NCOA2: variants seen among roughly 807,000 people sequenced by gnomAD.
NCOA2 encodes the protein class E basic helix-loop-helix protein 75.
In NCOA2, 21 loss-of-function variants were observed where a neutral mutation model predicts 145.1. The observed-to-expected ratio is 0.14, with a 90% CI of 0.10 to 0.21. The LOEUF is 0.21. NCOA2 is among the 10% of genes least tolerant of loss of function. The pLI is 1.00. For synonymous variants in NCOA2, 619 were observed against 637.5 expected, an observed-to-expected ratio of 0.97 and a Z score of 0.44; for missense variants, 1,472 against 1,837.6, an observed-to-expected ratio of 0.80 and a Z score of 3.64.
intron 2 of NCOA2, chr8:70,245,117 C>T (rs1185545212): frequency 6.6e-6 from 1 of 152,030 alleles, no homozygotes; most frequent in Non-Finnish European, 1.5e-5. Flanking sequence ...AAACAAAAAC[C>T]CCCACAATTA....
chr8:70,241,498 C>T (rs986769198), intron 2 of NCOA2, among the ~76,000 whole-genome samples: 2 of 152,120 alleles, frequency 1.3e-5, no homozygotes. Context: ...TGAAATGAAA[C>T]AGAAGTTCAC....
intron 2 of NCOA2, among the ~76,000 whole-genome samples, chr8:70,224,971 A>G (rs978480154): frequency 6.6e-6 from 1 of 150,942 alleles, no homozygotes; most frequent in African/African-American, 2.4e-5. Flanking sequence ...TCTCCTGTCC[A>G]GAGTCTCAGT....
chr8:70,218,443 G>C (rs1819856456), intron 2 of NCOA2, among the ~76,000 whole-genome samples: 1 of 152,096 alleles, frequency 6.6e-6, no homozygotes, highest in African/African-American at 2.4e-5. Context: ...TACTATGAGA[G>C]AGGCAGACTA....
At chr8:70,138,693 T>C (rs773838549) in intron 14 of NCOA2, among the ~76,000 whole-genome samples, 1 of 152,250 alleles carries the variant, frequency 6.6e-6, no homozygotes, top group Non-Finnish European at 1.5e-5. Flanking sequence ...AAATGAATTA[T>C]ATGTTAAAAG....
rs570836671 is a variant in NCOA2, at chr8:70,145,707, C to T, written c.2606-859G>A. On this transcript the variant is annotated intron_variant, in intron 12 of 22. Coordinates refer to ENST00000452400, the MANE Select transcript of NCOA2 (RefSeq NM_006540.4). ...AATTGTAGTTAACTGCAGCTTTTAA[C>T]TCCTGGGCTTAAGAAAAGGTTAAGA... Among the ~76,000 whole-genome samples the T allele has an allele frequency of 2.0e-5, 3 of 151,244 alleles. No individual in the cohort carries two copies. The East Asian group carries it at 5.9e-4, about 30-fold the overall frequency.
intron 2 of NCOA2, among the ~76,000 whole-genome samples, chr8:70,220,735 C>A (rs1002822453): frequency 2.0e-5 from 3 of 152,324 alleles, no homozygotes; most frequent in Middle Eastern, 3.4e-3. Flanking sequence ...GCTCTCAATA[C>A]AACCTCATAC....
intron 22 of NCOA2, among the ~76,000 whole-genome samples, chr8:70,120,205 A>G (rs1384283635): frequency 1.3e-5 from 2 of 152,124 alleles, no homozygotes; most frequent in African/African-American, 4.8e-5. Flanking sequence ...CTTCCACTTA[A>G]CAGGTTGTAT....
At chr8:70,332,357 G>A (rs555218881) in intron 1 of NCOA2, among the ~76,000 whole-genome samples, 1 of 152,212 alleles carries the variant, frequency 6.6e-6, no homozygotes, top group Admixed American at 6.5e-5. Flanking sequence ...ATAATTAAAA[G>A]AAAACTACCT....
chr8:70,375,039 T>G (rs1219385745), intron 1 of NCOA2, among the ~76,000 whole-genome samples: 1 of 152,108 alleles, frequency 6.6e-6, no homozygotes. Context: ...CATATCATCC[T>G]GGTAAATGAA....
At chr8:70,356,667 T>C (rs1299761041) in intron 1 of NCOA2, among the ~76,000 whole-genome samples, 2 of 152,202 alleles carry the variant, frequency 1.3e-5, no homozygotes, top group Non-Finnish European at 2.9e-5. Context: ...GCAGAACGCT[T>C]TTCCTATTAG....
At chr8:70,271,502 T>C (rs564335561) in intron 2 of NCOA2, among the ~76,000 whole-genome samples, 4 of 152,182 alleles carry the variant, frequency 2.6e-5, no homozygotes, top group Non-Finnish European at 5.9e-5. Flanking sequence ...TAAAGTAAGA[T>C]TTTTAGGGGA....
At position 70,147,809 on chromosome 8, in the gene NCOA2, AT is replaced by A. The variant is rs1215142137; in HGVS notation, c.2605+463del. Among the ~76,000 whole-genome samples the A allele has an allele frequency of 8.9e-4, 135 of 151,712 alleles. 1 individual carries two copies. The highest frequency in any genetic ancestry group is 3.1e-3 in the African/African-American group (129 of 41,356). Reference sequence around the variant, plus strand: ...AATACTTTTAGTAGAATATTTTATTATTTTTTTTTAAATTTATTTTTTGTTA... The same window carrying A: ...AATACTTTTAGTAGAATATTTTATTATTTTTTTTAAATTTATTTTTTGTTA... On this transcript the variant is annotated intron_variant, in intron 12 of 22. Coordinates refer to ENST00000452400, the MANE Select transcript of NCOA2 (RefSeq NM_006540.4).
chr8:70,302,118 G>C (rs1827554701), intron 1 of NCOA2, among the ~76,000 whole-genome samples: 1 of 151,860 alleles, frequency 6.6e-6, no homozygotes, highest in South Asian at 2.1e-4. Context: ...ACTTACCTTT[G>C]AAAACTATTT....
At chr8:70,271,728 T>C (rs1825063260) in intron 2 of NCOA2, among the ~76,000 whole-genome samples, 1 of 152,248 alleles carries the variant, frequency 6.6e-6, no homozygotes, top group Non-Finnish European at 1.5e-5. Context: ...ACGACTGAGA[T>C]AGACAGAAAC....
chr8:70,308,213 T>C (rs1828038401), intron 1 of NCOA2, among the ~76,000 whole-genome samples: 1 of 152,222 alleles, frequency 6.6e-6, no homozygotes, highest in Admixed American at 6.5e-5. Flanking sequence ...CTGACTTTAT[T>C]ATAGATTATG....
rs552625332 is a variant in NCOA2 at position 70,260,573 on chromosome 8, C to T, written c.-20+36171G>A. ...CATGTGGGGCTAAGGTAGGCACATA[C>T]CTAACCATTTGCTTTAAACATTATA... On this transcript the variant is annotated intron_variant, in intron 2 of 22. Transcript: ENST00000452400. Among the ~76,000 whole-genome samples, 7 of 152,258 alleles carry T rather than the reference C, an allele frequency of 4.6e-5. No individual in the cohort carries two copies. In the East Asian group the frequency reaches 1.4e-3, roughly 29 times the overall value.
At chr8:70,192,643 C>A (rs1425366417) in intron 4 of NCOA2, among the ~76,000 whole-genome samples, 2 of 152,336 alleles carry the variant, frequency 1.3e-5, no homozygotes, top group Admixed American at 6.5e-5. Flanking sequence ...CTCTGGAAAT[C>A]CAGAACAGAT....
In NCOA2 at chr8:70,110,450, C is replaced by A. The variant is rs1806443169; in HGVS notation, c.*3182G>T. ...ATAAAGAAACACCAGGGAGAAAATT[C>A]TAATTAAAATCGAAGCCACTACAGT... On this transcript the variant is annotated 3_prime_UTR_variant, in exon 23 of 23. Coordinates refer to ENST00000452400, the MANE Select transcript of NCOA2 (RefSeq NM_006540.4). 5.1e-6 allele frequency: 1 copy of A among 196,322 alleles called. No homozygotes were observed. Among genetic ancestry groups the A allele is most frequent in the Admixed American group, 6.1e-5 (1 of 16,454 alleles). 12.2% of individuals were successfully genotyped at this position (196,322 alleles called of 1,614,324 possible).
the NCOA2 span, among the ~76,000 whole-genome samples, chr8:70,450,405 A>G: frequency 6.6e-6 from 1 of 152,206 alleles, no homozygotes; most frequent in South Asian, 2.1e-4. Flanking sequence ...CCATCTCTGA[A>G]TCAGGAAGTG....
Sources: allele counts gnomAD v4.1 joint callset (sites outside exome capture counted in the v4.1 genomes callset), GRCh38; gene constraint gnomAD v4.1.1; transcripts MANE v1.5; gene names NCBI Gene and HGNC (gene_info 2026-07-23, HGNC 2026-07-21).